The following STK3 variants were observed in gnomAD, a reference collection of about 807,000 sequenced individuals.
STK3 encodes the protein serine/threonine kinase 3.
In STK3, 41 loss-of-function variants were observed where a neutral mutation model predicts 58.0. The observed-to-expected ratio is 0.71, with a 90% CI of 0.55 to 0.92. The LOEUF is 0.92. STK3 is among the 40% of genes least tolerant of loss of function. The pLI is 0.00. For synonymous variants in STK3, 170 were observed against 191.0 expected, an observed-to-expected ratio of 0.89 and a Z score of 0.91; for missense variants, 479 against 602.7, an observed-to-expected ratio of 0.79 and a Z score of 2.15.
chr8:98,775,919 A>G (rs1831645985), intron 1 of STK3, among the ~76,000 whole-genome samples: 1 of 152,248 alleles, frequency 6.6e-6, no homozygotes, highest in Admixed American at 6.5e-5. Context: ...TGAAAATTGA[A>G]GGGAACTATG....
At chr8:98,752,436 C>T (rs1830043325) in intron 3 of STK3, among the ~76,000 whole-genome samples, 3 of 152,258 alleles carry the variant, frequency 2.0e-5, no homozygotes, top group Non-Finnish European at 2.9e-5. Flanking sequence ...CCCTTATTAT[C>T]ATGTTCAAAA....
chr8:98,589,356 C>G (rs1374237835), intron 7 of STK3, among the ~76,000 whole-genome samples: 1 of 152,138 alleles, frequency 6.6e-6, no homozygotes, highest in Non-Finnish European at 1.5e-5. Context: ...AGTAACCTGC[C>G]GTGTGAGGTG....
chr8:98,860,561 A>T (rs1323256106), intron 3 of STK3, among the ~76,000 whole-genome samples: 1 of 152,254 alleles, frequency 6.6e-6, no homozygotes, highest in Non-Finnish European at 1.5e-5. Context: ...TCATAGCCCA[A>T]CAGAAAAAAA....
chr8:98,474,446 A>G (rs1430827748), intron 10 of STK3, among the ~76,000 whole-genome samples: 2 of 152,144 alleles, frequency 1.3e-5, no homozygotes, highest in Non-Finnish European at 2.9e-5. Context: ...CATTACTCCT[A>G]TGTTTCCATC....
intron 1 of STK3, among the ~76,000 whole-genome samples, chr8:98,933,045 A>T (rs1840060058): frequency 6.6e-6 from 1 of 152,210 alleles, no homozygotes; most frequent in African/African-American, 2.4e-5. Flanking sequence ...TATCGTCTCT[A>T]AACTACATTC....
intron 1 of STK3, among the ~76,000 whole-genome samples, chr8:98,803,901 G>A (rs1051858757): frequency 5.3e-5 from 8 of 152,166 alleles, no homozygotes; most frequent in Admixed American, 2.6e-4. Flanking sequence ...CCAATCTAGT[G>A]GGAAAGATAG....
intron 1 of STK3, chr8:98,438,434 C>T (rs937958074): frequency 3.3e-5 from 5 of 152,194 alleles, no homozygotes; most frequent in African/African-American, 1.2e-4. Context: ...AAGTGCTGGC[C>T]TCAGCAAACA....
intron 3 of STK3, chr8:98,431,712 C>T (rs1315780480): frequency 6.0e-6 from 1 of 167,206 alleles, no homozygotes; most frequent in South Asian, 2.1e-4. Context: ...AAGAGGTACC[C>T]TAGTGGTTAC....
At chr8:98,799,177 C>A (rs1430315465) in intron 1 of STK3, among the ~76,000 whole-genome samples, 1 of 152,162 alleles carries the variant, frequency 6.6e-6, no homozygotes, top group African/African-American at 2.4e-5. Context: ...TCCTATTATA[C>A]TGGCAATGGA....
intron 6 of STK3, among the ~76,000 whole-genome samples, chr8:98,697,442 G>A (rs955163156): frequency 3.9e-5 from 6 of 152,160 alleles, no homozygotes; most frequent in African/African-American, 1.4e-4. Context: ...TCTTTTAACT[G>A]TGATGTTAGG....
At chr8:98,669,286 C>T (rs1048971393) in intron 6 of STK3, among the ~76,000 whole-genome samples, 2 of 152,066 alleles carry the variant, frequency 1.3e-5, no homozygotes, top group Admixed American at 6.6e-5. Flanking sequence ...TGAGCCACTG[C>T]GCCCGGCCCA....
chr8:98,707,727 C>T (rs1236306414), intron 4 of STK3, among the ~76,000 whole-genome samples: 1 of 151,932 alleles, frequency 6.6e-6, no homozygotes, highest in African/African-American at 2.4e-5. Flanking sequence ...TTCTAATGAC[C>T]GCTAAACCTC....
intron 10 of STK3, among the ~76,000 whole-genome samples, chr8:98,506,992 T>C (rs1373359344): frequency 6.6e-6 from 1 of 152,230 alleles, no homozygotes; most frequent in Non-Finnish European, 1.5e-5. Flanking sequence ...CAATTTGTGG[T>C]AATTTGTTAC....
In STK3 at chr8:98,428,012, G is replaced by A; in HGVS notation, n.483+6115C>T. ...GCCAGAGCCTGTGGGACGTGTCGGA[G>A]GCTAACGTCGAGGACGGGGAGATCC... On this transcript the variant is annotated intron_variant and non_coding_transcript_variant, in intron 3 of 3. Coordinates refer to the STK3 transcript ENST00000517832. The surrounding 1 kb of genome is among the most constrained non-coding windows in gnomAD (Gnocchi z 6.7). 2.5e-6 allele frequency: 4 copies of A among 1,590,476 alleles called. No homozygotes were observed. The highest frequency in any genetic ancestry group is 3.4e-6 in the Non-Finnish European group (4 of 1,167,648).
chr8:98,696,959 A>G (rs1008160505), intron 6 of STK3, among the ~76,000 whole-genome samples: 3 of 152,212 alleles, frequency 2.0e-5, no homozygotes, highest in African/African-American at 7.2e-5. Flanking sequence ...TACCTCTGGT[A>G]GAATTCGGCT....
At chr8:98,447,024 G>T (rs868260879) in intron 1 of STK3, among the ~76,000 whole-genome samples, 1 of 152,090 alleles carries the variant, frequency 6.6e-6, no homozygotes, top group South Asian at 2.1e-4. Context: ...GCTTATAAGG[G>T]GGAGCTGAAT....
chr8:98,509,924 A>T (rs1400343614), intron 10 of STK3, among the ~76,000 whole-genome samples: 1 of 152,052 alleles, frequency 6.6e-6, no homozygotes, highest in Admixed American at 6.6e-5. Context: ...ACATTTATTC[A>T]AATCACTTCT....
chr8:98,595,160 T>C (rs919065223), intron 7 of STK3: 1 of 152,186 alleles, frequency 6.6e-6, no homozygotes, highest in East Asian at 1.9e-4. Flanking sequence ...TTTAAATAGA[T>C]ATTGCTGTAC....
intron 3 of STK3, among the ~76,000 whole-genome samples, chr8:98,857,069 G>A (rs1478745864): frequency 1.3e-5 from 2 of 152,344 alleles, no homozygotes; most frequent in East Asian, 1.9e-4. Flanking sequence ...GGGGAAGACA[G>A]TGAGAGAGCA....
Sources: gnomAD v4.1 joint callset for allele counts (sites outside exome capture counted in the v4.1 genomes callset) on GRCh38, gnomAD v4.1.1 for gene constraint, Gnocchi (gnomAD v3.1) non-coding constraint, MANE v1.5 for transcripts, NCBI Gene and HGNC (gene_info 2026-07-23, HGNC 2026-07-21) for gene names.